MRAP2: variants seen among roughly 807,000 people sequenced by gnomAD.
MRAP2 encodes the protein melanocortin-2 receptor accessory protein 2.
A neutral mutation model predicts 17.4 loss-of-function variants in MRAP2; 20 were observed. The observed-to-expected ratio is 1.15, with a 90% CI of 0.81 to 1.67. MRAP2 has a LOEUF of 1.67. Among genes scored for constraint, MRAP2 ranks in the 40% most tolerant of loss-of-function variants. The pLI, the probability that MRAP2 is intolerant of heterozygous loss-of-function variation, is 0.00. For synonymous variants in MRAP2, 96 were observed against 88.4 expected, an observed-to-expected ratio of 1.09 and a Z score of -0.48; for missense variants, 238 against 240.0, an observed-to-expected ratio of 0.99 and a Z score of 0.05.
the MRAP2 span, among the ~76,000 whole-genome samples, chr6:84,134,851 G>T: frequency 1.3e-5 from 2 of 151,488 alleles, no homozygotes; most frequent in Non-Finnish European, 2.9e-5. Flanking sequence ...ATATTATAAT[G>T]CCTCTATTTT....
chr6:84,118,125 G>A, the MRAP2 span, among the ~76,000 whole-genome samples: 2 of 152,150 alleles, frequency 1.3e-5, no homozygotes, highest in South Asian at 4.2e-4. Context: ...CCACACCCAG[G>A]CATTTCATTC....
the MRAP2 span, among the ~76,000 whole-genome samples, chr6:84,133,727 G>A: frequency 1.3e-5 from 2 of 152,190 alleles, no homozygotes. Context: ...CACAGTATTA[G>A]GGTGGGAGTG....
At chr6:84,119,158 A>G in the MRAP2 span, among the ~76,000 whole-genome samples, 1 of 152,224 alleles carries the variant, frequency 6.6e-6, no homozygotes, top group South Asian at 2.1e-4. Flanking sequence ...TGTTTTAGCT[A>G]CTGAGGTCTT....
chr6:84,145,154 G>A, the MRAP2 span, among the ~76,000 whole-genome samples: 2 of 152,096 alleles, frequency 1.3e-5, no homozygotes, highest in African/African-American at 4.8e-5. Context: ...TTTCCTTATA[G>A]ATGAGTAAGA....
chr6:84,079,855 T>C (rs920903618), intron 3 of MRAP2, among the ~76,000 whole-genome samples: 3 of 152,230 alleles, frequency 2.0e-5, no homozygotes, highest in Admixed American at 1.3e-4. Context: ...ATTGGACAGA[T>C]AGTTGCTGGG....
intron 1 of MRAP2, among the ~76,000 whole-genome samples, chr6:84,051,058 T>C (rs941851560): frequency 6.6e-6 from 1 of 152,216 alleles, no homozygotes; most frequent in Non-Finnish European, 1.5e-5. Context: ...GGTGGTCACT[T>C]GTAAAACTCA....
the MRAP2 span, among the ~76,000 whole-genome samples, chr6:84,123,990 A>G: frequency 6.6e-6 from 1 of 152,126 alleles, no homozygotes; most frequent in African/African-American, 2.4e-5. Context: ...TCATTACAGA[A>G]GTACAAAAAC....
At chr6:84,101,487 A>G in the MRAP2 span, among the ~76,000 whole-genome samples, 1 of 152,222 alleles carries the variant, frequency 6.6e-6, no homozygotes, top group Non-Finnish European at 1.5e-5. Flanking sequence ...TGTGACACTC[A>G]CCTTGGGTAA....
intron 3 of MRAP2, among the ~76,000 whole-genome samples, chr6:84,068,418 G>A (rs968656432): frequency 5.3e-5 from 8 of 152,162 alleles, no homozygotes; most frequent in Admixed American, 4.6e-4. Flanking sequence ...CTAATTCTGT[G>A]AAGAATGATG....
the MRAP2 span, among the ~76,000 whole-genome samples, chr6:84,114,070 C>T: frequency 6.6e-6 from 1 of 152,020 alleles, no homozygotes; most frequent in Non-Finnish European, 1.5e-5. Context: ...GGTTGCTCTT[C>T]TTGAGTAGTA....
At chr6:84,064,119 G>A (rs144569517) in intron 3 of MRAP2, among the ~76,000 whole-genome samples, 1 of 151,624 alleles carries the variant, frequency 6.6e-6, no homozygotes, top group Non-Finnish European at 1.5e-5. Flanking sequence ...GGGCAACTAC[G>A]CAGGCTCATG....
In MRAP2 at chr6:84,089,472, C is replaced by T; in HGVS notation, c.609C>T (p.Asp203=). The stretch of plus-strand genomic sequence containing the variant: ...CACTTTCCCAGACCTCACACAAAGA[C>T]CTGGATTGAGAAACATGCTCTGTAA... ...TKPLSQTSHK[D]LD Residue 203 remains aspartate (D), a synonymous_variant, in exon 4 of 4, where the codon GAC becomes GAT. Transcript: ENST00000257776. 1 of 1,612,028 alleles carries T rather than the reference C, an allele frequency of 6.2e-7. No homozygotes were observed. The highest frequency in any genetic ancestry group is 8.5e-7 in the Non-Finnish European group (1 of 1,178,884).
Position 84,089,683 on chromosome 6 carries a change from T to A in MRAP2, c.*202T>A. 1.7e-6 allele frequency: 1 copy of A among 592,064 alleles called. No individual in the cohort carries two copies. Among genetic ancestry groups the A allele is most frequent in the East Asian group, 2.8e-5 (1 of 35,654 alleles). The allele number at this position is 592,064 out of a possible 1,614,324, so 36.7% of individuals were successfully genotyped here. A position where few individuals can be genotyped will look rare whatever the true frequency, so the allele number is the denominator to read the frequency against. On this transcript the variant is annotated 3_prime_UTR_variant, in exon 4 of 4. Coordinates refer to ENST00000257776, the MANE Select transcript of MRAP2 (RefSeq NM_138409.4). Reference sequence around the variant, plus strand: ...TTTTGTTTTGTTTTGTTTTTGCTTTTTAATACATTTGGAGCTTTGGGAGTA... The same window carrying A: ...TTTTGTTTTGTTTTGTTTTTGCTTTATAATACATTTGGAGCTTTGGGAGTA...
At chr6:84,054,095 C>T (rs972469709) in intron 1 of MRAP2, among the ~76,000 whole-genome samples, 1 of 152,140 alleles carries the variant, frequency 6.6e-6, no homozygotes, top group African/African-American at 2.4e-5. Context: ...CTTCAAGAAT[C>T]TTGAAGCTCA....
intron 1 of MRAP2, among the ~76,000 whole-genome samples, chr6:84,051,266 G>T (rs980331064): frequency 6.6e-6 from 1 of 152,182 alleles, no homozygotes; most frequent in Admixed American, 6.6e-5. Context: ...TTTTTAAGAA[G>T]GTAGAGAGGA....
At chr6:84,124,346 G>A in the MRAP2 span, 3 of 152,048 alleles carry the variant, frequency 2.0e-5, no homozygotes, top group Admixed American at 6.6e-5. Context: ...TAAAGAAAAC[G>A]TGAGATATAT....
the MRAP2 span, among the ~76,000 whole-genome samples, chr6:84,110,158 T>C: frequency 1.3e-5 from 2 of 152,136 alleles, no homozygotes; most frequent in African/African-American, 4.8e-5. Flanking sequence ...CCTTGAGGAA[T>C]TGCCATACTG....
At chr6:84,078,607 T>C (rs2099498207) in intron 3 of MRAP2, among the ~76,000 whole-genome samples, 1 of 152,210 alleles carries the variant, frequency 6.6e-6, no homozygotes, top group East Asian at 1.9e-4. Flanking sequence ...GTTTGGGTTA[T>C]AGGGGTGGAT....
At chr6:84,077,116 G>C (rs1053848262) in intron 3 of MRAP2, among the ~76,000 whole-genome samples, 3 of 152,212 alleles carry the variant, frequency 2.0e-5, no homozygotes, top group Admixed American at 2.0e-4. Flanking sequence ...CAGCACATCA[G>C]TATATAGAAG....
Sources: allele counts gnomAD v4.1 joint callset (sites outside exome capture counted in the v4.1 genomes callset), GRCh38; gene constraint gnomAD v4.1.1; transcripts MANE v1.5; gene names NCBI Gene and HGNC (gene_info 2026-07-23, HGNC 2026-07-21).